The following ANXA8 variants were observed in gnomAD, a reference collection of about 807,000 sequenced individuals.
The protein encoded by ANXA8 is VAC-beta.
Under a neutral mutation model 26.8 loss-of-function variants are expected in ANXA8, and 9 were observed. The ratio of observed to expected loss-of-function variants is 0.34; its 90% CI spans 0.20 to 0.59. The LOEUF is 0.59. Ranked by LOEUF, ANXA8 falls within the 20% of genes least tolerant of loss-of-function variation. The pLI, the probability that ANXA8 is intolerant of heterozygous loss-of-function variation, is 0.84. For synonymous variants in ANXA8, 39 were observed against 94.8 expected (o/e 0.41, Z 3.42); for missense variants, 83 against 238.5 (o/e 0.35, Z 4.29).
chr10:47,657,336 G>C, the ANXA8 span, among the ~76,000 whole-genome samples: 40 of 151,800 alleles, frequency 2.6e-4, 1 homozygote, highest in African/African-American at 9.0e-4. Flanking sequence ...CCAGTTTATT[G>C]TAAAATTTTA....
chr10:47,548,395 G>A, the ANXA8 span, among the ~76,000 whole-genome samples: 2 of 149,008 alleles, frequency 1.3e-5, no homozygotes, highest in African/African-American at 2.4e-5. Flanking sequence ...TCCATCTCCT[G>A]GGTTGAAGCG....
At chr10:47,585,602 G>T in the ANXA8 span, among the ~76,000 whole-genome samples, 1 of 146,724 alleles carries the variant, frequency 6.8e-6, no homozygotes, top group Non-Finnish European at 1.5e-5. Flanking sequence ...TGGGAGAAGG[G>T]AGGAAACGGG....
chr10:47,939,322 A>T, the ANXA8 span, among the ~76,000 whole-genome samples: 1 of 139,456 alleles, frequency 7.2e-6, no homozygotes, highest in Admixed American at 7.1e-5. Context: ...AAAAAAAAAA[A>T]AGCACAAGTG....
At chr10:47,707,227 T>G in the ANXA8 span, among the ~76,000 whole-genome samples, 5 of 143,342 alleles carry the variant, frequency 3.5e-5, no homozygotes, top group African/African-American at 1.2e-4. Context: ...TTTTACCAAT[T>G]TGGTTTTGAT....
the ANXA8 span, among the ~76,000 whole-genome samples, chr10:47,596,540 T>A: frequency 6.8e-6 from 1 of 147,696 alleles, no homozygotes; most frequent in African/African-American, 2.6e-5. Context: ...CAAGCAAGAT[T>A]AACAAAAAAG....
At chr10:47,674,077 A>G in the ANXA8 span, among the ~76,000 whole-genome samples, 1 of 151,450 alleles carries the variant, frequency 6.6e-6, no homozygotes, top group African/African-American at 2.4e-5. Flanking sequence ...TATTTTTGTC[A>G]TTGTTACAGT....
the ANXA8 span, among the ~76,000 whole-genome samples, chr10:47,501,379 A>T: frequency 7.2e-6 from 1 of 138,888 alleles, no homozygotes; most frequent in Non-Finnish European, 1.6e-5. Flanking sequence ...ACTAGCTGAC[A>T]TTATTACTTC....
chr10:47,957,944 G>C, the ANXA8 span, among the ~76,000 whole-genome samples: 1 of 150,462 alleles, frequency 6.6e-6, no homozygotes, highest in Non-Finnish European at 1.5e-5. Context: ...AATTAAAAAT[G>C]GCAAAGTCAG....
the ANXA8 span, among the ~76,000 whole-genome samples, chr10:47,661,198 C>G: frequency 8.8e-6 from 1 of 113,056 alleles, no homozygotes; most frequent in Non-Finnish European, 1.7e-5. Flanking sequence ...AACTAAGAAC[C>G]CAGGACTGTA....
chr10:47,468,969 G>A lies in ANXA8; in HGVS notation c.925-63C>T. 3.2e-6 allele frequency: 5 copies of A among 1,577,896 alleles called. No individual in the cohort carries two copies. In the South Asian group the frequency reaches 3.5e-5, roughly 11 times the overall value. ...GCTTGTGCCTGGCTCGGCAGTGGCG[G>A]CTGTGTTATTATGACTAAGAGGTGT... is the stretch of plus-strand genomic sequence containing the variant. On this transcript the variant is annotated intron_variant, in intron 11 of 11. Transcript: ENST00000585281.
the ANXA8 span, chr10:47,588,688 A>T: frequency 6.8e-6 from 1 of 146,888 alleles, no homozygotes; most frequent in African/African-American, 2.7e-5. Flanking sequence ...ACATTTGCTT[A>T]TAGTAATTTC....
chr10:47,982,826 A>AT, the ANXA8 span, among the ~76,000 whole-genome samples: 346 of 71,432 alleles, frequency 4.8e-3, 33 homozygotes, highest in African/African-American at 0.016. Context: ...ATATATATAT[A>AT]TATATATAAA....
the ANXA8 span, among the ~76,000 whole-genome samples, chr10:47,705,004 G>T: frequency 6.6e-6 from 1 of 152,088 alleles, no homozygotes; most frequent in African/African-American, 2.4e-5. Flanking sequence ...AGTGGCTCAT[G>T]CCTGTAATGC....
upstream of ANXA8, chr10:47,484,888 G>A: frequency 2.2e-6 from 1 of 449,530 alleles, no homozygotes; most frequent in Non-Finnish European, 4.0e-6. Flanking sequence ...GCTTCCAGTG[G>A]TGCTTCTGAG....
At chr10:47,536,716 G>A in the ANXA8 span, among the ~76,000 whole-genome samples, 2 of 125,176 alleles carry the variant, frequency 1.6e-5, 1 homozygote, top group South Asian at 4.7e-4. Flanking sequence ...CAGCTACACA[G>A]GACGCTGAGA....
the ANXA8 span, among the ~76,000 whole-genome samples, chr10:47,681,680 T>A: frequency 7.8e-6 from 1 of 128,816 alleles, no homozygotes. Flanking sequence ...TACAGGCACA[T>A]ACCACCCTAC....
the ANXA8 span, among the ~76,000 whole-genome samples, chr10:47,609,512 A>C: frequency 3.1e-4 from 22 of 70,612 alleles, 1 homozygote; most frequent in African/African-American, 1.4e-3. Context: ...GTCTAAATGA[A>C]TGCGCGGCAT....
At chr10:47,548,973 T>C in the ANXA8 span, among the ~76,000 whole-genome samples, 1 of 152,286 alleles carries the variant, frequency 6.6e-6, no homozygotes, top group Non-Finnish European at 1.5e-5. Flanking sequence ...CAAGAAGAAA[T>C]GGTACTTACT....
the ANXA8 span, among the ~76,000 whole-genome samples, chr10:47,743,403 TGTGA>T: frequency 1.8e-4 from 16 of 89,108 alleles, no homozygotes; most frequent in African/African-American, 5.5e-4. Context: ...TGTGTGTGTG[TGTGA>T]GAGAGAGAGA....
Sources: gnomAD v4.1 joint callset for allele counts (sites outside exome capture counted in the v4.1 genomes callset) on GRCh38, gnomAD v4.1.1 for gene constraint, MANE v1.5 for transcripts, NCBI Gene and HGNC (gene_info 2026-07-23, HGNC 2026-07-21) for gene names.